Variants in VPS13A observed in about 807,000 individuals in gnomAD.
VPS13A encodes vacuolar protein sorting 13 homolog A, also known as intermembrane lipid transfer protein VPS13A.
Under a neutral mutation model 390.9 loss-of-function variants are expected in VPS13A, and 264 were observed. That is an observed-to-expected ratio of 0.68 (90% CI 0.61 to 0.75). The LOEUF is 0.75. VPS13A is among the 30% of genes least tolerant of loss of function. The pLI, the probability that VPS13A is intolerant of heterozygous loss-of-function variation, is 0.00. For missense variants in VPS13A, 3,409 were observed against 3,733.9 expected (o/e 0.91, Z 2.27); for synonymous variants, 1,231 against 1,227.1 (o/e 1.00, Z -0.07).
chr9:77,303,944 T>TC (rs1235994065), intron 34 of VPS13A, among the ~76,000 whole-genome samples: 1 of 152,080 alleles, frequency 6.6e-6, no homozygotes, highest in African/African-American at 2.4e-5. Context: ...GTGGCCTTCC[T>TC]CTATCTCAAC....
At chr9:77,281,247 A>T (rs986349793) in intron 27 of VPS13A, among the ~76,000 whole-genome samples, 5 of 152,176 alleles carry the variant, frequency 3.3e-5, no homozygotes, top group Admixed American at 3.3e-4. Context: ...ACTGTAATCA[A>T]TAATAATGTG....
chr9:77,386,589 CAGTAAAAATATTT>C (rs890214812), intron 68 of VPS13A, among the ~76,000 whole-genome samples: 2 of 151,678 alleles, frequency 1.3e-5, no homozygotes, highest in African/African-American at 4.8e-5. Context: ...AAAATTTCTT[CAGTAAAAATATTT>C]TAAATAATAT....
intron 3 of VPS13A, among the ~76,000 whole-genome samples, chr9:77,202,308 T>C (rs1410198233): frequency 6.6e-6 from 1 of 152,152 alleles, no homozygotes; most frequent in African/African-American, 2.4e-5. Flanking sequence ...ATGTCACCCA[T>C]TTTTATCTAC....
rs531474092 is a variant in VPS13A at position 77,268,809 on chromosome 9, G to A, written c.2428-4471G>A. ...ATAAAAATTAGCCAGGCATGGTGGT[G>A]GGCATCTGTAATCCCAACTGCTCAG... On this transcript the variant is annotated intron_variant, in intron 23 of 71. Coordinates refer to ENST00000360280, the MANE Select transcript of VPS13A (RefSeq NM_033305.3). 2.0e-5 allele frequency among the ~76,000 whole-genome samples: 3 copies of A among 152,090 alleles called. No individual in the cohort carries two copies. The East Asian group carries it at 5.8e-4, about 29-fold the overall frequency.
At chr9:77,357,039 G>T (rs1304219942) in intron 55 of VPS13A, among the ~76,000 whole-genome samples, 172 bp downstream of exon 55, 1 of 151,778 alleles carries the variant, frequency 6.6e-6, no homozygotes, top group African/African-American at 2.4e-5. Context: ...AAGAAATCAG[G>T]CTGGGCGCAG....
intron 3 of VPS13A, 148 bp from the exon 4 acceptor site, chr9:77,205,165 A>C: frequency 2.6e-6 from 1 of 380,766 alleles, no homozygotes; most frequent in Admixed American, 4.4e-5. Flanking sequence ...TTGTAGTTGT[A>C]AAATAGCTTT....
At chr9:77,185,751 A>G (rs1021639982) in intron 1 of VPS13A, among the ~76,000 whole-genome samples, 2 of 152,092 alleles carry the variant, frequency 1.3e-5, no homozygotes, top group Admixed American at 1.3e-4. Flanking sequence ...TAGCATACCA[A>G]TTATGCTTCT....
At chr9:77,394,304 C>G (rs992393089) in intron 68 of VPS13A, among the ~76,000 whole-genome samples, 3 of 151,672 alleles carry the variant, frequency 2.0e-5, no homozygotes, top group Non-Finnish European at 2.9e-5. Context: ...TGTGCTCAAG[C>G]GATCCGCCCA....
chr9:77,225,102 T>C (rs1180436162), intron 13 of VPS13A, among the ~76,000 whole-genome samples: 1 of 152,208 alleles, frequency 6.6e-6, no homozygotes, highest in Non-Finnish European at 1.5e-5. Flanking sequence ...GACTATAATG[T>C]AGTAGGAACA....
intron 24 of VPS13A, among the ~76,000 whole-genome samples, chr9:77,274,133 A>C (rs1826502998): frequency 6.6e-6 from 1 of 152,202 alleles, no homozygotes; most frequent in Non-Finnish European, 1.5e-5. Flanking sequence ...AGTTGAACAG[A>C]AAATGACAAG....
intron 22 of VPS13A, among the ~76,000 whole-genome samples, chr9:77,254,655 C>G (rs7854986): frequency 0.016 from 2,482 of 152,214 alleles, 67 homozygotes; most frequent in African/African-American, 0.057. Context: ...CTGTTATAGT[C>G]CATGAACATG....
At chr9:77,243,517 C>G (rs1437681866) in intron 19 of VPS13A, among the ~76,000 whole-genome samples, 1 of 152,134 alleles carries the variant, frequency 6.6e-6, no homozygotes, top group Non-Finnish European at 1.5e-5. Flanking sequence ...GCTTACAGAG[C>G]CTGCTCAACT....
intron 1 of VPS13A, among the ~76,000 whole-genome samples, chr9:77,194,236 T>TG (rs1308922954): frequency 6.6e-6 from 1 of 151,966 alleles, no homozygotes; most frequent in East Asian, 1.9e-4. Flanking sequence ...GGTGGTTACC[T>TG]GGGGCTTGCC....
intron 68 of VPS13A, among the ~76,000 whole-genome samples, chr9:77,392,304 A>T (rs1437676725): frequency 6.6e-6 from 1 of 152,180 alleles, no homozygotes; most frequent in Non-Finnish European, 1.5e-5. Context: ...CTACTGGAAT[A>T]TATATAGTTC....
intron 37 of VPS13A, 110 bp from the exon 38 acceptor site, chr9:77,315,143 A>G: frequency 1.0e-6 from 1 of 981,396 alleles, no homozygotes; most frequent in Non-Finnish European, 1.6e-6. Flanking sequence ...ATGACTTCAG[A>G]ATGCTTTTTT....
At chr9:77,335,811 T>C (rs1280355575) in intron 46 of VPS13A, among the ~76,000 whole-genome samples, 1 of 152,194 alleles carries the variant, frequency 6.6e-6, no homozygotes, top group African/African-American at 2.4e-5. Context: ...CTCAAGGATC[T>C]AGAACCAGAA....
chr9:77,331,561 T>A lies in VPS13A; in HGVS notation c.5992-449T>A, dbSNP rs182812963. On this transcript the variant is annotated intron_variant, in intron 45 of 71. Transcript: ENST00000360280. ...GTTTTCCTCTTGATTGCAACTTTTT[T>A]AATGATTTTTAGGCTTTTTGAGTGT... is the stretch of plus-strand genomic sequence containing the variant. Among the ~76,000 whole-genome samples the A allele has an allele frequency of 5.3e-4, 81 of 152,230 alleles. 1 individual carries two copies. Among genetic ancestry groups the A allele is most frequent in the Admixed American group, 2.0e-3 (30 of 15,294 alleles).
intron 17 of VPS13A, among the ~76,000 whole-genome samples, chr9:77,232,990 A>G (rs549259688): frequency 6.6e-6 from 1 of 152,322 alleles, no homozygotes; most frequent in East Asian, 1.9e-4. Context: ...GTTTTACTAT[A>G]CTAAAGTTTA....
intron 23 of VPS13A, among the ~76,000 whole-genome samples, chr9:77,261,844 C>A (rs1015341635): frequency 6.6e-6 from 1 of 152,020 alleles, no homozygotes; most frequent in African/African-American, 2.4e-5. Context: ...ACTGGGCTCC[C>A]AAGTACTGGG....
Sources: allele counts gnomAD v4.1 joint callset (sites outside exome capture counted in the v4.1 genomes callset), GRCh38; gene constraint gnomAD v4.1.1; transcripts MANE v1.5; gene names NCBI Gene and HGNC (gene_info 2026-07-23, HGNC 2026-07-21).